The following SMARCAD1 variants were observed in gnomAD, a reference collection of about 807,000 sequenced individuals.
The protein encoded by SMARCAD1 is SNF2 related chromatin remodeling ATPase with DExD box 1, also known as SWI/SNF-related matrix-associated actin-dependent regulator of chromatin subfamily A containing DEAD/H box 1.
In SMARCAD1, 25 loss-of-function variants were observed where a neutral mutation model predicts 127.1. That is an observed-to-expected ratio of 0.20 (90% CI 0.14 to 0.27). SMARCAD1 has a LOEUF of 0.27. Among genes scored for constraint, SMARCAD1 ranks in the 10% least tolerant of loss-of-function variants. The pLI is 1.00. For synonymous variants in SMARCAD1, 400 were observed against 396.9 expected (o/e 1.01, Z -0.09); for missense variants, 807 against 1,206.0 (o/e 0.67, Z 4.90).
chr4:94,258,253 T>G (rs1750418688), intron 9 of SMARCAD1, among the ~76,000 whole-genome samples: 1 of 151,714 alleles, frequency 6.6e-6, no homozygotes, highest in Non-Finnish European at 1.5e-5. Context: ...CTCCCACGTA[T>G]AAGCGATTCT....
chr4:94,290,930 T>A lies in SMARCAD1; in HGVS notation c.*1396T>A, dbSNP rs976563615. On this transcript the variant is annotated 3_prime_UTR_variant, in exon 24 of 24. Coordinates refer to ENST00000354268, the MANE Select transcript of SMARCAD1 (RefSeq NM_020159.5). ...AGGCAAATAAAACTCTTACAGTGATTATTTAGATATTAAAGACTGAGAACT... is the reference window on the plus strand; with the variant it reads ...AGGCAAATAAAACTCTTACAGTGATAATTTAGATATTAAAGACTGAGAACT... 4.4e-6 allele frequency: 2 copies of A among 453,644 alleles called. No individual in the cohort carries two copies. Among genetic ancestry groups the A allele is most frequent in the African/African-American group, 4.0e-5 (2 of 49,948 alleles). 28.1% of individuals were successfully genotyped at this position (453,644 alleles called of 1,614,324 possible).
intron 11 of SMARCAD1, 88 bp from the exon 12 acceptor site, chr4:94,273,529 A>G: frequency 1.0e-6 from 1 of 977,724 alleles, no homozygotes; most frequent in East Asian, 2.6e-5. Flanking sequence ...TGAATACAGC[A>G]CAGAATTACT....
intron 21 of SMARCAD1, 98 bp from the exon 22 acceptor site, chr4:94,283,023 T>C: frequency 2.0e-6 from 2 of 984,536 alleles, no homozygotes; most frequent in South Asian, 2.9e-5. Context: ...TGTACATACA[T>C]CTTCAGGTTT....
At chr4:94,266,974 A>T (rs538221249) in intron 10 of SMARCAD1, among the ~76,000 whole-genome samples, 77 of 152,306 alleles carry the variant, frequency 5.1e-4, no homozygotes, top group Non-Finnish European at 1.0e-3. Flanking sequence ...AATATAATAC[A>T]GTGAGGAAAA....
chr4:94,228,026 A>G (rs1393933399), intron 3 of SMARCAD1, among the ~76,000 whole-genome samples: 1 of 152,186 alleles, frequency 6.6e-6, no homozygotes, highest in Non-Finnish European at 1.5e-5. Context: ...AAAAGGCTAC[A>G]TGGTCTTCTA....
chr4:94,228,927 G>C (rs1745420301), intron 3 of SMARCAD1, among the ~76,000 whole-genome samples: 3 of 151,860 alleles, frequency 2.0e-5, no homozygotes, highest in Admixed American at 6.6e-5. Flanking sequence ...TCTAAATTTG[G>C]GTTTAACTAA....
At chr4:94,243,294 A>G (rs1258872449) in intron 6 of SMARCAD1, among the ~76,000 whole-genome samples, 3 of 152,238 alleles carry the variant, frequency 2.0e-5, no homozygotes, top group African/African-American at 7.2e-5. Flanking sequence ...AAGAAGGGGC[A>G]GCAGTGATGC....
At chr4:94,256,106 CTG>C (rs1372355825) in intron 9 of SMARCAD1, among the ~76,000 whole-genome samples, 3 of 152,122 alleles carry the variant, frequency 2.0e-5, no homozygotes, top group East Asian at 1.9e-4. Context: ...ATTATTATGT[CTG>C]TGAAAAATAC....
chr4:94,210,039 A>G (rs754007653), intron 2 of SMARCAD1, among the ~76,000 whole-genome samples: 1 of 152,204 alleles, frequency 6.6e-6, no homozygotes, highest in Non-Finnish European at 1.5e-5. Context: ...CAGTTTGTAA[A>G]CTGGATTTCA....
At chr4:94,257,397 GTT>G (rs1415180137) in intron 9 of SMARCAD1, among the ~76,000 whole-genome samples, 1 of 152,026 alleles carries the variant, frequency 6.6e-6, no homozygotes, top group Non-Finnish European at 1.5e-5. Context: ...CTTTTCTGTG[GTT>G]TTCAGTAACT....
chr4:94,229,685 G>T (rs1745533466), intron 3 of SMARCAD1, among the ~76,000 whole-genome samples: 1 of 152,078 alleles, frequency 6.6e-6, no homozygotes, highest in Non-Finnish European at 1.5e-5. Context: ...TTTCTTTGCT[G>T]CTGGTGAGGT....
At chr4:94,217,205 G>T (rs185662158) in intron 2 of SMARCAD1, among the ~76,000 whole-genome samples, 1 of 151,776 alleles carries the variant, frequency 6.6e-6, no homozygotes, top group South Asian at 2.1e-4. Flanking sequence ...TTCATTATAG[G>T]GACTAAAGAA....
chr4:94,289,655 C>T lies in SMARCAD1; in HGVS notation c.*121C>T. The T allele has an allele frequency of 2.0e-6, 2 of 996,632 alleles. No individual in the cohort carries two copies. Among genetic ancestry groups the T allele is most frequent in the Non-Finnish European group, 3.2e-6 (2 of 622,012 alleles). The allele number at this position is 996,632 out of a possible 1,614,324, so 61.7% of individuals were successfully genotyped here. On this transcript the variant is annotated 3_prime_UTR_variant, in exon 24 of 24. Coordinates refer to ENST00000354268, the MANE Select transcript of SMARCAD1 (RefSeq NM_020159.5). ...ATAACTTTTTATAATTTCCATATTACATTTCTCATAGTATGGACAACTTTT... is the reference window on the plus strand; with the variant it reads ...ATAACTTTTTATAATTTCCATATTATATTTCTCATAGTATGGACAACTTTT...
At chr4:94,282,008 G>C (rs1348985928) in intron 21 of SMARCAD1, among the ~76,000 whole-genome samples, 1 of 150,876 alleles carries the variant, frequency 6.6e-6, no homozygotes, top group Admixed American at 6.6e-5. Context: ...CCACTGCACT[G>C]TAGCCTGGGT....
At chr4:94,283,800 T>TG (rs1223942265) in intron 22 of SMARCAD1, among the ~76,000 whole-genome samples, 1 of 151,910 alleles carries the variant, frequency 6.6e-6, no homozygotes, top group Non-Finnish European at 1.5e-5. Context: ...CACTCCAGCC[T>TG]GGGCGACAGA....
intron 3 of SMARCAD1, among the ~76,000 whole-genome samples, chr4:94,229,952 A>G (rs1472957590): frequency 6.6e-6 from 1 of 152,064 alleles, no homozygotes; most frequent in Non-Finnish European, 1.5e-5. Flanking sequence ...CTGTTCAGTC[A>G]TCAAGTATGC....
At chr4:94,249,265 G>A (rs1401236601) in intron 6 of SMARCAD1, among the ~76,000 whole-genome samples, 1 of 152,030 alleles carries the variant, frequency 6.6e-6, no homozygotes, top group Non-Finnish European at 1.5e-5. Context: ...TTTATAGGTG[G>A]ATATATAATA....
At chr4:94,233,440 AT>A (rs1746152782) in intron 3 of SMARCAD1, among the ~76,000 whole-genome samples, 1 of 152,226 alleles carries the variant, frequency 6.6e-6, no homozygotes, top group African/African-American at 2.4e-5. Context: ...TGAAATAAAT[AT>A]TCCCTGTTTG....
intron 6 of SMARCAD1, among the ~76,000 whole-genome samples, chr4:94,247,201 A>G (rs1748567729): frequency 6.6e-6 from 1 of 152,154 alleles, no homozygotes; most frequent in African/African-American, 2.4e-5. Context: ...GGGTCAGGGA[A>G]CTGATATAGT....
Sources: allele counts gnomAD v4.1 joint callset (sites outside exome capture counted in the v4.1 genomes callset), GRCh38; gene constraint gnomAD v4.1.1; transcripts MANE v1.5; gene names NCBI Gene and HGNC (gene_info 2026-07-23, HGNC 2026-07-21).